TTLL5: variants seen among roughly 807,000 people sequenced by gnomAD.
TTLL5 encodes tubulin tyrosine ligase like 5, also known as tubulin polyglutamylase TTLL5.
A neutral mutation model predicts 168.4 loss-of-function variants in TTLL5; 132 were observed. The observed-to-expected ratio is 0.78, with a 90% CI of 0.68 to 0.91. The LOEUF is 0.91. TTLL5 is among the 40% of genes least tolerant of loss of function. The pLI, the probability that TTLL5 is intolerant of heterozygous loss-of-function variation, is 0.00. For missense variants in TTLL5, 1,545 were observed against 1,581.5 expected (o/e 0.98, Z 0.39); for synonymous variants, 546 against 558.6 (o/e 0.98, Z 0.32).
At chr14:75,704,443 G>A (rs1886502129) in intron 7 of TTLL5, among the ~76,000 whole-genome samples, 1 of 152,222 alleles carries the variant, frequency 6.6e-6, no homozygotes, top group African/African-American at 2.4e-5. Flanking sequence ...GGAGGCTGAG[G>A]CAGGGCAGTT....
intron 11 of TTLL5, 68 bp from the exon 12 acceptor site, chr14:75,720,528 T>C (rs1887773713): frequency 2.6e-6 from 3 of 1,163,070 alleles, no homozygotes; most frequent in East Asian, 2.3e-5. Flanking sequence ...TATATTGTTA[T>C]CTGGAATCCA....
At chr14:75,733,849 G>T in intron 13 of TTLL5, 140 bp from the exon 14 acceptor site, 1 of 479,716 alleles carries the variant, frequency 2.1e-6, no homozygotes, top group East Asian at 4.5e-5. Context: ...TTCCCCCACC[G>T]CCCCCGTGGA....
intron 7 of TTLL5, among the ~76,000 whole-genome samples, 196 bp from the exon 8 acceptor site, chr14:75,706,822 G>A (rs1350636627): frequency 1.3e-5 from 2 of 151,450 alleles, no homozygotes; most frequent in African/African-American, 4.9e-5. Flanking sequence ...TTCCTGCATC[G>A]TAATTGGATG....
chr14:75,921,250 T>G (rs544748276), intron 31 of TTLL5, among the ~76,000 whole-genome samples: 8 of 152,250 alleles, frequency 5.3e-5, no homozygotes, highest in Non-Finnish European at 1.0e-4. Context: ...TTTGTCTTTT[T>G]TGGCTTTTGT....
At chr14:75,713,467 A>G (rs910011763) in intron 9 of TTLL5, among the ~76,000 whole-genome samples, 5 of 152,218 alleles carry the variant, frequency 3.3e-5, no homozygotes, top group African/African-American at 9.6e-5. Context: ...TGGCCTATCA[A>G]TGCATTTCTC....
chr14:75,828,251 T>A (rs1053631566), intron 28 of TTLL5, among the ~76,000 whole-genome samples: 3 of 152,266 alleles, frequency 2.0e-5, no homozygotes, highest in African/African-American at 7.2e-5. Flanking sequence ...TGCTCGAATC[T>A]ACTTATATGT....
Position 75,882,764 on chromosome 14 carries a change from C to CCA in TTLL5, c.3605_3606dup (p.Ala1203GlnfsTer54). 1 of 1,613,988 alleles carries CCA rather than the reference C, an allele frequency of 6.2e-7. No individual in the cohort carries two copies. Reference sequence around the variant, plus strand: ...GGTGCAGGTTGTAGAATTTCCAGTGCCACAGCTAGTGGCCAGAAGCCAACC... The same window carrying CCA: ...GGTGCAGGTTGTAGAATTTCCAGTGCCACACAGCTAGTGGCCAGAAGCCAACC... On this transcript the variant is annotated frameshift_variant, in exon 30 of 32. Coordinates refer to ENST00000298832, the MANE Select transcript of TTLL5 (RefSeq NM_015072.5). LOFTEE classifies it high-confidence loss of function.
At chr14:75,918,224 A>C (rs2033689121) in intron 31 of TTLL5, among the ~76,000 whole-genome samples, 1 of 152,096 alleles carries the variant, frequency 6.6e-6, no homozygotes, top group South Asian at 2.1e-4. Context: ...TCCCTTGCCT[A>C]CTTCTCCTTA....
At chr14:75,707,978 C>G (rs927327592) in intron 9 of TTLL5, among the ~76,000 whole-genome samples, 1 of 152,166 alleles carries the variant, frequency 6.6e-6, no homozygotes, top group Admixed American at 6.5e-5. Context: ...AGCACTGATC[C>G]AGGATCATAT....
intron 2 of TTLL5, among the ~76,000 whole-genome samples, chr14:75,665,812 A>G (rs1313559260): frequency 1.3e-5 from 2 of 152,216 alleles, no homozygotes; most frequent in African/African-American, 2.4e-5. Context: ...AGATTGTGCC[A>G]CTGTGCTCCA....
intron 30 of TTLL5, among the ~76,000 whole-genome samples, chr14:75,892,458 T>G (rs1379581778): frequency 6.6e-6 from 1 of 152,224 alleles, no homozygotes; most frequent in East Asian, 1.9e-4. Context: ...CCACGCTCAT[T>G]ACTTGAAAAT....
intron 29 of TTLL5, among the ~76,000 whole-genome samples, chr14:75,875,293 C>G (rs996203274): frequency 6.7e-6 from 1 of 149,820 alleles, no homozygotes; most frequent in African/African-American, 2.4e-5. Flanking sequence ...CCTGTAATCC[C>G]AGCATTTTGG....
chr14:75,866,833 G>A (rs751121278), intron 29 of TTLL5, among the ~76,000 whole-genome samples: 1 of 152,178 alleles, frequency 6.6e-6, no homozygotes, highest in Non-Finnish European at 1.5e-5. Context: ...ATCCACTCCT[G>A]CAAAAGACTG....
intron 30 of TTLL5, among the ~76,000 whole-genome samples, chr14:75,898,421 C>G (rs1215353660): frequency 6.6e-6 from 1 of 152,118 alleles, no homozygotes; most frequent in Non-Finnish European, 1.5e-5. Flanking sequence ...GCAGGCAGAC[C>G]GTGTGAACCC....
intron 11 of TTLL5, among the ~76,000 whole-genome samples, chr14:75,720,231 C>G (rs1887755956): frequency 6.6e-6 from 1 of 152,144 alleles, no homozygotes; most frequent in Admixed American, 6.5e-5. Flanking sequence ...GGCTTCAAAT[C>G]AAAATGGACA....
rs534382941 is a variant in TTLL5, at chr14:75,836,365, G to A, written c.3326+16204G>A. The stretch of plus-strand genomic sequence containing the variant: ...AAATAATTGAACTTGTGGAGATAAA[G>A]AGTAGAATGCTGGTTACCAGAGATT... On this transcript the variant is annotated intron_variant, in intron 28 of 31. Transcript: ENST00000298832. Among the ~76,000 whole-genome samples the A allele has an allele frequency of 1.7e-3, 260 of 151,114 alleles. 4 individuals carry two copies. The Middle Eastern group carries it at 0.041, about 24-fold the overall frequency.
intron 9 of TTLL5, among the ~76,000 whole-genome samples, chr14:75,712,958 G>A (rs1166202567): frequency 6.6e-6 from 1 of 152,158 alleles, no homozygotes. Flanking sequence ...CTGCAAAATA[G>A]TACCTAGGGT....
At chr14:75,881,088 AT>A (rs2031788510) in intron 29 of TTLL5, among the ~76,000 whole-genome samples, 1 of 151,966 alleles carries the variant, frequency 6.6e-6, no homozygotes. Context: ...TAATTTTTGT[AT>A]TTTTTGTAAA....
chr14:75,904,512 G>C (rs1404353733), intron 31 of TTLL5, among the ~76,000 whole-genome samples: 1 of 152,132 alleles, frequency 6.6e-6, no homozygotes, highest in Non-Finnish European at 1.5e-5. Flanking sequence ...TTGGAAACTT[G>C]GGTGGTCAGG....
Sources: allele counts gnomAD v4.1 joint callset (sites outside exome capture counted in the v4.1 genomes callset), GRCh38; gene constraint gnomAD v4.1.1; transcripts MANE v1.5; gene names NCBI Gene and HGNC (gene_info 2026-07-23, HGNC 2026-07-21).